Variants in SMYD3 observed in about 807,000 individuals in gnomAD.
The protein encoded by SMYD3 is SET and MYND domain containing 3.
Under a neutral mutation model 57.7 loss-of-function variants are expected in SMYD3, and 36 were observed. That is an observed-to-expected ratio of 0.62 (90% confidence interval 0.48 to 0.82). SMYD3 has a LOEUF of 0.82. Among genes scored for constraint, SMYD3 ranks in the 40% least tolerant of loss-of-function variants. SMYD3 has a pLI of 0.00. For synonymous variants in SMYD3, 211 were observed against 195.0 expected, an observed-to-expected ratio of 1.08 and a Z score of -0.68; for missense variants, 515 against 538.8, an observed-to-expected ratio of 0.96 and a Z score of 0.44.
At chr1:245,935,986 A>G (rs1214429564) in intron 5 of SMYD3, among the ~76,000 whole-genome samples, 1 of 152,192 alleles carries the variant, frequency 6.6e-6, no homozygotes, top group Non-Finnish European at 1.5e-5. Flanking sequence ...TACAGTTAAT[A>G]ATAAATTGTA....
intron 10 of SMYD3, among the ~76,000 whole-genome samples, chr1:245,788,202 C>G (rs1036039774): frequency 6.6e-6 from 1 of 151,476 alleles, no homozygotes; most frequent in Admixed American, 6.6e-5. Flanking sequence ...AGAATGGTGA[C>G]CAGATTAACA....
intron 1 of SMYD3, among the ~76,000 whole-genome samples, chr1:246,500,562 C>G (rs1296599715): frequency 1.3e-5 from 2 of 152,170 alleles, no homozygotes; most frequent in Non-Finnish European, 2.9e-5. Flanking sequence ...GCTGGCTGGT[C>G]CTGAAGATGT....
rs145038138 is a variant in SMYD3, at chr1:245,977,628, G to A, written c.532-47691C>T. Among the ~76,000 whole-genome samples the A allele has an allele frequency of 1.9e-3, 292 of 152,282 alleles. 1 individual carries two copies. Among genetic ancestry groups the A allele is most frequent in the African/African-American group, 6.8e-3 (282 of 41,554 alleles). On this transcript the variant is annotated intron_variant, in intron 5 of 11. Transcript: ENST00000490107. ...CAGGAGGTGGAGGTTGCAGTGAGCC[G>A]AGATCGTGCCACTGCATTCCAGCCT...
At chr1:245,786,344 C>T (rs372554344) in intron 10 of SMYD3, among the ~76,000 whole-genome samples, 9 of 152,086 alleles carry the variant, frequency 5.9e-5, no homozygotes, top group African/African-American at 2.2e-4. Flanking sequence ...TCTTTATACA[C>T]CACAAGCCAA....
Position 246,152,943 on chromosome 1 carries a change from T to C in SMYD3, c.531+174258A>G, listed in dbSNP as rs1001179754. 3.9e-5 allele frequency among the ~76,000 whole-genome samples: 6 copies of C among 152,158 alleles called. No homozygotes were observed. The East Asian group carries it at 9.6e-4, about 24-fold the overall frequency. ...TCAATAAATGTTAGCAATTTTTATG[T>C]TTTATAACACTAGGCTGCTAAGCTT... On this transcript the variant is annotated intron_variant, in intron 5 of 11. Coordinates refer to ENST00000490107, the MANE Select transcript of SMYD3 (RefSeq NM_001167740.2).
intron 5 of SMYD3, among the ~76,000 whole-genome samples, chr1:246,269,897 T>C (rs1007547854): frequency 6.6e-6 from 1 of 152,152 alleles, no homozygotes; most frequent in Non-Finnish European, 1.5e-5. Context: ...CTGAGTGACT[T>C]TGTACATGAG....
intron 10 of SMYD3, among the ~76,000 whole-genome samples, chr1:245,855,457 T>C (rs978170317): frequency 2.6e-5 from 4 of 152,188 alleles, no homozygotes; most frequent in African/African-American, 9.7e-5. Context: ...GAACTACTAA[T>C]TGGCGAATTA....
chr1:246,188,386 G>T lies in SMYD3; in HGVS notation c.531+138815C>A, dbSNP rs758360985. On this transcript the variant is annotated intron_variant, in intron 5 of 11. Transcript: ENST00000490107. Reference sequence around the variant, plus strand: ...TCTGGCCTAGACAATGCCTAATGGAGCCCTGCAAAGATTCACTTCACTGAC... The same window carrying T: ...TCTGGCCTAGACAATGCCTAATGGATCCCTGCAAAGATTCACTTCACTGAC... 3.9e-5 allele frequency among the ~76,000 whole-genome samples: 6 copies of T among 152,214 alleles called. No individual in the cohort carries two copies. The South Asian group carries it at 1.0e-3, about 26-fold the overall frequency.
intron 1 of SMYD3, among the ~76,000 whole-genome samples, chr1:246,423,925 G>A (rs6694491): frequency 0.99 from 151,144 of 152,314 alleles, 75,004 homozygotes; most frequent in East Asian, 1. Context: ...ATGAAAGACA[G>A]AACAAAAAGT....
At chr1:246,034,859 CT>C (rs1431673544) in intron 5 of SMYD3, among the ~76,000 whole-genome samples, 1 of 152,200 alleles carries the variant, frequency 6.6e-6, no homozygotes, top group Non-Finnish European at 1.5e-5. Flanking sequence ...TCTCCATCCC[CT>C]GCTGCCAGAT....
At chr1:246,197,414 G>T (rs1014886406) in intron 5 of SMYD3, among the ~76,000 whole-genome samples, 1 of 151,908 alleles carries the variant, frequency 6.6e-6, no homozygotes, top group African/African-American at 2.4e-5. Context: ...TTCCAGGTAG[G>T]ATGTAATGAA....
At chr1:245,815,408 G>C (rs192599719) in intron 10 of SMYD3, among the ~76,000 whole-genome samples, 1 of 152,144 alleles carries the variant, frequency 6.6e-6, no homozygotes, top group African/African-American at 2.4e-5. Context: ...CAAGCTGTAC[G>C]CTCTAGTTTT....
At position 246,461,243 on chromosome 1, in the gene SMYD3, T is replaced by G. The variant is rs1308355446; in HGVS notation, c.164+45811A>C. Among the ~76,000 whole-genome samples, 4 of 152,096 alleles carry G rather than the reference T, an allele frequency of 2.6e-5. 1 individual carries two copies. On this transcript the variant is annotated intron_variant, in intron 1 of 11. Transcript: ENST00000490107. ...TTAAAGGCTGTCCATCTTTATCAGA[T>G]AGTGGAAATTATCTGAAATTAGTGG...
At chr1:246,319,846 T>C (rs559267430) in intron 5 of SMYD3, among the ~76,000 whole-genome samples, 1 of 152,328 alleles carries the variant, frequency 6.6e-6, no homozygotes, top group African/African-American at 2.4e-5. Context: ...TGAGGTACAC[T>C]GTTCACCAGA....
intron 5 of SMYD3, among the ~76,000 whole-genome samples, chr1:246,094,797 A>G (rs1163365686): frequency 6.6e-6 from 1 of 152,158 alleles, no homozygotes; most frequent in Non-Finnish European, 1.5e-5. Context: ...AATCAGTATC[A>G]TAACAAACCT....
chr1:246,129,049 C>T (rs1456030357), intron 5 of SMYD3, among the ~76,000 whole-genome samples: 4 of 152,106 alleles, frequency 2.6e-5, no homozygotes, highest in African/African-American at 4.8e-5. Flanking sequence ...CTGCGCACCT[C>T]GGCCTCCAAA....
chr1:245,933,386 A>C (rs189337523), intron 5 of SMYD3, among the ~76,000 whole-genome samples: 1 of 152,324 alleles, frequency 6.6e-6, no homozygotes, highest in African/African-American at 2.4e-5. Flanking sequence ...CCATGTCTTA[A>C]AACTAAAACA....
chr1:245,814,857 C>T (rs1056357353), intron 10 of SMYD3, among the ~76,000 whole-genome samples: 6 of 147,594 alleles, frequency 4.1e-5, no homozygotes, highest in Admixed American at 1.3e-4. Flanking sequence ...CGCACACACA[C>T]GCAAGCACAC....
intron 10 of SMYD3, among the ~76,000 whole-genome samples, chr1:245,805,902 G>A (rs2048123544): frequency 6.6e-6 from 1 of 152,286 alleles, no homozygotes; most frequent in Admixed American, 6.5e-5. Flanking sequence ...ATATTCCCAA[G>A]TTCCTTCTAC....
Sources: allele counts gnomAD v4.1 joint callset (sites outside exome capture counted in the v4.1 genomes callset), GRCh38; gene constraint gnomAD v4.1.1; transcripts MANE v1.5; gene names NCBI Gene and HGNC (gene_info 2026-07-23, HGNC 2026-07-21).